AKR1A1: variants seen among roughly 807,000 people sequenced by gnomAD.
AKR1A1 encodes the protein aldo-keto reductase family 1 member A1.
A neutral mutation model predicts 39.2 loss-of-function variants in AKR1A1; 26 were observed. The observed-to-expected ratio is 0.66, with a 90% CI of 0.49 to 0.92. The LOEUF (loss-of-function observed/expected upper bound fraction) is 0.92. AKR1A1 is among the 40% of genes least tolerant of loss of function. The pLI is 0.00. For synonymous variants in AKR1A1, 141 were observed against 155.5 expected (o/e 0.91, Z 0.69); for missense variants, 378 against 406.5 (o/e 0.93, Z 0.60).
chr1:45,567,248 G>A (rs958304243), intron 4 of AKR1A1: 1 of 551,778 alleles, frequency 1.8e-6, no homozygotes, highest in Non-Finnish European at 3.1e-6. Context: ...GTACCCCAGG[G>A]TATGCACCTG....
intron 2 of AKR1A1, among the ~76,000 whole-genome samples, chr1:45,562,999 C>T (rs1465817979): frequency 1.3e-5 from 2 of 152,012 alleles, no homozygotes; most frequent in African/African-American, 4.8e-5. Flanking sequence ...GTCCCAGCTA[C>T]TTGAGAGACT....
rs2229540 is a variant in AKR1A1, at chr1:45,566,639, A to G, written c.155A>G (p.Asn52Ser). 0.051 allele frequency: 82,952 copies of G among 1,614,198 alleles called. 2,615 individuals carry two copies. Among genetic ancestry groups the G allele is most frequent in the Non-Finnish European group, 0.058 (68,073 of 1,180,016 alleles). ...ATTGATTGTGCTGCTATCTACGGCA[A>G]TGAGCCTGAGATTGGGGAGGCCCTG... ...RHIDCAAIYG[N>S]EPEIGEALKE... The change falls in exon 3 of 9, where the codon AAT becomes AGT. Residue 52 changes from asparagine (N) to serine (S), a missense_variant. Physicochemically the swap from Asn to Ser is conservative, Grantham distance 46. Coordinates refer to ENST00000351829, the MANE Select transcript of AKR1A1 (RefSeq NM_153326.3).
rs745749495 is a variant in AKR1A1 at position 45,568,016 on chromosome 1, G to T, written c.391G>T (p.Gly131Trp). ...CAACCCCTTCCCCAAGAATGCTGATGGGACTATATGCTACGACTCCACCCA... is the reference window on the plus strand; with the variant it reads ...CAACCCCTTCCCCAAGAATGCTGATTGGACTATATGCTACGACTCCACCCA... ...GDNPFPKNAD[G>W]TICYDSTHYK... Residue 131 changes from glycine to tryptophan, a missense_variant, in exon 5 of 9, where the codon GGG (glycine) becomes TGG (tryptophan). Physicochemically the swap from Gly to Trp is radical, Grantham distance 184 (BLOSUM62 -2). Coordinates refer to ENST00000351829, the MANE Select transcript of AKR1A1 (RefSeq NM_153326.3). 1.2e-6 allele frequency: 2 copies of T among 1,613,728 alleles called. No homozygotes were observed. Among genetic ancestry groups the T allele is most frequent in the Admixed American group, 1.7e-5 (1 of 59,942 alleles).
chr1:45,554,142 T>C (rs1252655499), intron 1 of AKR1A1, among the ~76,000 whole-genome samples: 2 of 150,588 alleles, frequency 1.3e-5, no homozygotes, highest in Non-Finnish European at 3.0e-5. Context: ...AAAAGAAAAA[T>C]AAGGCCAGGC....
intron 1 of AKR1A1, among the ~76,000 whole-genome samples, chr1:45,551,626 A>G (rs967239163): frequency 6.6e-6 from 1 of 152,216 alleles, no homozygotes; most frequent in Non-Finnish European, 1.5e-5. Flanking sequence ...ACTCTGTTAA[A>G]GTAAGACACA....
intron 4 of AKR1A1, chr1:45,567,309 T>A: frequency 2.8e-6 from 1 of 351,256 alleles, no homozygotes; most frequent in Non-Finnish European, 5.2e-6. Context: ...ACTTTTCTGT[T>A]GAGCACCTGG....
At chr1:45,562,951 T>A (rs1644296795) in intron 2 of AKR1A1, among the ~76,000 whole-genome samples, 1 of 151,244 alleles carries the variant, frequency 6.6e-6, no homozygotes. Flanking sequence ...GAGACCCCCG[T>A]CTCTACAAAA....
chr1:45,559,126 C>T (rs1307201435), intron 1 of AKR1A1, among the ~76,000 whole-genome samples: 1 of 152,194 alleles, frequency 6.6e-6, no homozygotes, highest in Admixed American at 6.5e-5. Context: ...CCTTGTGCAG[C>T]TCTTGTGCAG....
At chr1:45,564,376 A>G (rs1008998652) in intron 2 of AKR1A1, among the ~76,000 whole-genome samples, 4 of 151,966 alleles carry the variant, frequency 2.6e-5, no homozygotes, top group African/African-American at 7.3e-5. Context: ...CCACAACAAG[A>G]GCTTTGGGTG....
intron 2 of AKR1A1, among the ~76,000 whole-genome samples, chr1:45,564,132 T>A (rs1462913704): frequency 1.3e-5 from 2 of 152,202 alleles, no homozygotes; most frequent in Admixed American, 1.3e-4. Flanking sequence ...TTGGATGACC[T>A]GTGTCTCTTT....
chr1:45,564,950 G>A (rs1284438006), intron 2 of AKR1A1, among the ~76,000 whole-genome samples: 4 of 151,466 alleles, frequency 2.6e-5, no homozygotes, highest in African/African-American at 9.7e-5. Flanking sequence ...AGCCTCCTGA[G>A]TAGCTGGGAC....
At chr1:45,552,935 GC>G (rs886742874) in intron 1 of AKR1A1, among the ~76,000 whole-genome samples, 13 of 152,002 alleles carry the variant, frequency 8.6e-5, no homozygotes, top group African/African-American at 3.1e-4. Context: ...GACCAGCCTG[GC>G]CAACATGGTG....
intron 3 of AKR1A1, 65 bp from the exon 4 acceptor site, chr1:45,566,804 G>A: frequency 3.1e-6 from 5 of 1,597,622 alleles, no homozygotes; most frequent in South Asian, 1.1e-5. Context: ...CTCTCCCAGA[G>A]TTGAGGGTGG....
At chr1:45,553,782 A>C (rs908686808) in intron 1 of AKR1A1, among the ~76,000 whole-genome samples, 3 of 148,636 alleles carry the variant, frequency 2.0e-5, no homozygotes, top group Non-Finnish European at 4.5e-5. Flanking sequence ...TCACGAGGTC[A>C]GGAGATCGAG....
At chr1:45,557,829 C>G (rs1644225168) in intron 1 of AKR1A1, among the ~76,000 whole-genome samples, 2 of 151,200 alleles carry the variant, frequency 1.3e-5, no homozygotes, top group Non-Finnish European at 1.5e-5. Flanking sequence ...CCAAAACCAA[C>G]TTAAACTAGA....
At chr1:45,558,761 C>T (rs1352557612) in intron 1 of AKR1A1, among the ~76,000 whole-genome samples, 1 of 152,128 alleles carries the variant, frequency 6.6e-6, no homozygotes, top group East Asian at 1.9e-4. Context: ...AATACCCTGA[C>T]CTCAGGTGAT....
intron 2 of AKR1A1, among the ~76,000 whole-genome samples, chr1:45,564,802 A>G (rs1472155598): frequency 6.6e-6 from 1 of 151,218 alleles, no homozygotes; most frequent in African/African-American, 2.4e-5. Context: ...AAAATTTTTA[A>G]ATTTTTATTT....
Position 45,561,877 on chromosome 1 carries a change from AG to A in AKR1A1, c.84+1del, listed in dbSNP as rs1469417974. On this transcript the variant is annotated frameshift_variant and splice_region_variant, in exon 2 of 9. Coordinates refer to ENST00000351829, the MANE Select transcript of AKR1A1 (RefSeq NM_153326.3). LOFTEE classifies it high-confidence loss of function. The stretch of plus-strand genomic sequence containing the variant: ...GGTACCTGGAAGAGTGAGCCTGGTC[AG>A]GTGAGGGATGGGGGAAGAAAAAAGA... Reference protein sequence around the residue: ...GLGTWKSEPGQVKAAVKYALS... With the variant: ...GLGTWKSEPGXVKAAVKYALS... 1 of 1,613,954 alleles carries A rather than the reference AG, an allele frequency of 6.2e-7. No homozygotes were observed. Among genetic ancestry groups the A allele is most frequent in the Non-Finnish European group, 8.5e-7 (1 of 1,179,948 alleles).
chr1:45,568,582 A>G lies in AKR1A1; in HGVS notation c.650A>G (p.Asp217Gly), dbSNP rs777311699. 1.2e-6 allele frequency: 2 copies of G among 1,613,944 alleles called. No individual in the cohort carries two copies. Among genetic ancestry groups the G allele is most frequent in the South Asian group, 1.1e-5 (1 of 91,062 alleles). Residue 217 changes from aspartate (D) to glycine (G), a missense_variant, in exon 6 of 9, where the codon GAT (aspartate) becomes GGT (glycine). Coordinates refer to ENST00000351829, the MANE Select transcript of AKR1A1 (RefSeq NM_153326.3). ...VTAYSPLGSS[D>G]RAWRDPDEPV... The stretch of plus-strand genomic sequence containing the variant: ...GCTTATAGCCCTTTGGGCTCCTCTG[A>G]TCGTGCATGGCGTGATCCTGATGAG...
Sources: allele counts gnomAD v4.1 joint callset (sites outside exome capture counted in the v4.1 genomes callset), GRCh38; gene constraint gnomAD v4.1.1; transcripts MANE v1.5; gene names NCBI Gene and HGNC (gene_info 2026-07-23, HGNC 2026-07-21).